The following GPC6 variants were observed in gnomAD, a reference collection of about 807,000 sequenced individuals.
The protein encoded by GPC6 is glypican-6.
GPC6 carries 14 observed loss-of-function variants against 55.2 expected under a neutral mutation model. That is an observed-to-expected ratio of 0.25 (90% confidence interval 0.17 to 0.40). GPC6 has a LOEUF of 0.40. Ranked by LOEUF, GPC6 falls within the 10% of genes least tolerant of loss-of-function variation. GPC6 has a pLI of 1.00. For missense variants in GPC6, 641 were observed against 708.5 expected (o/e 0.90, Z 1.08); for synonymous variants, 278 against 259.6 (o/e 1.07, Z -0.68).
intron 4 of GPC6, among the ~76,000 whole-genome samples, chr13:94,104,548 G>A (rs9584186): frequency 0.044 from 6,713 of 152,182 alleles, 505 homozygotes; most frequent in African/African-American, 0.15. Flanking sequence ...TGCAGATGAC[G>A]TGATTGTATA....
intron 2 of GPC6, among the ~76,000 whole-genome samples, chr13:93,755,304 C>T (rs1447492791): frequency 5.9e-5 from 9 of 152,036 alleles, no homozygotes; most frequent in African/African-American, 1.2e-4. Context: ...CAGTGATGGC[C>T]GATGGATTTT....
chr13:93,986,587 T>C (rs1881042933), intron 3 of GPC6, among the ~76,000 whole-genome samples: 1 of 152,188 alleles, frequency 6.6e-6, no homozygotes, highest in Non-Finnish European at 1.5e-5. Context: ...ATATTATACA[T>C]ATCCATTATC....
chr13:93,918,776 C>T (rs1297300353), intron 3 of GPC6, among the ~76,000 whole-genome samples: 1 of 152,178 alleles, frequency 6.6e-6, no homozygotes, highest in Non-Finnish European at 1.5e-5. Flanking sequence ...GATGTTCCCA[C>T]CACACATATC....
intron 3 of GPC6, among the ~76,000 whole-genome samples, chr13:93,863,589 A>G (rs1161700311): frequency 6.6e-6 from 1 of 151,686 alleles, no homozygotes; most frequent in African/African-American, 2.4e-5. Flanking sequence ...TTTATGGTAA[A>G]TGAAAATCTT....
intron 1 of GPC6, among the ~76,000 whole-genome samples, chr13:93,300,875 C>T (rs1313463883): frequency 1.3e-5 from 2 of 151,250 alleles, no homozygotes; most frequent in African/African-American, 2.4e-5. Context: ...CAAAATTATC[C>T]AGGTGTGGTG....
chr13:93,873,711 A>C (rs1437462260), intron 3 of GPC6, among the ~76,000 whole-genome samples: 1 of 152,100 alleles, frequency 6.6e-6, no homozygotes, highest in South Asian at 2.1e-4. Flanking sequence ...AATGAATACA[A>C]CGTATTATTA....
chr13:93,266,764 C>T (rs1451466635), intron 1 of GPC6, among the ~76,000 whole-genome samples: 2 of 152,100 alleles, frequency 1.3e-5, no homozygotes, highest in Non-Finnish European at 2.9e-5. Flanking sequence ...GATTAAATGT[C>T]AGAGTTAAGG....
intron 4 of GPC6, among the ~76,000 whole-genome samples, chr13:94,037,541 C>T (rs1239895392): frequency 6.6e-6 from 1 of 151,674 alleles, no homozygotes; most frequent in Non-Finnish European, 1.5e-5. Context: ...TACTTTATAC[C>T]AGACAATATT....
chr13:94,112,910 G>A (rs577680907), intron 4 of GPC6, among the ~76,000 whole-genome samples: 20 of 152,086 alleles, frequency 1.3e-4, no homozygotes, highest in African/African-American at 4.3e-4. Context: ...AAAAATGGAC[G>A]TTAATGCTCT....
chr13:94,241,262 A>C (rs1330330273), intron 4 of GPC6, among the ~76,000 whole-genome samples: 2 of 152,160 alleles, frequency 1.3e-5, no homozygotes, highest in African/African-American at 2.4e-5. Flanking sequence ...CACAATAAAC[A>C]AACATTTGTT....
At chr13:94,047,136 T>C (rs994272962) in intron 4 of GPC6, among the ~76,000 whole-genome samples, 4 of 152,134 alleles carry the variant, frequency 2.6e-5, no homozygotes, top group African/African-American at 9.7e-5. Flanking sequence ...CTTTAGTATG[T>C]CACTGAATAT....
At chr13:93,460,552 C>T (rs890803114) in intron 1 of GPC6, among the ~76,000 whole-genome samples, 2 of 152,092 alleles carry the variant, frequency 1.3e-5, no homozygotes, top group African/African-American at 2.4e-5. Context: ...AATATCATAA[C>T]ATAGCACTAA....
intron 2 of GPC6, among the ~76,000 whole-genome samples, chr13:93,730,046 G>C (rs1422305024): frequency 2.0e-5 from 3 of 152,232 alleles, no homozygotes; most frequent in Non-Finnish European, 4.4e-5. Context: ...TCTGCTTCTT[G>C]CCCTGGGTGC....
chr13:93,641,879 C>T (rs1879960440), intron 2 of GPC6, among the ~76,000 whole-genome samples: 1 of 152,004 alleles, frequency 6.6e-6, no homozygotes, highest in Admixed American at 6.6e-5. Flanking sequence ...TAAAGCAATA[C>T]ATGCCAAATG....
At chr13:93,360,080 TAG>T (rs1364446746) in intron 1 of GPC6, among the ~76,000 whole-genome samples, 1 of 152,140 alleles carries the variant, frequency 6.6e-6, no homozygotes, top group Admixed American at 6.6e-5. Flanking sequence ...GTCTAGTTCC[TAG>T]AGAGAGCCAG....
chr13:94,068,184 A>G (rs957128634), intron 4 of GPC6, among the ~76,000 whole-genome samples: 17 of 152,146 alleles, frequency 1.1e-4, no homozygotes, highest in African/African-American at 4.1e-4. Flanking sequence ...TCATGGTGGA[A>G]GGCAAGGAGG....
At chr13:93,272,419 CAATGAATGTGA>C (rs1877562865) in intron 1 of GPC6, among the ~76,000 whole-genome samples, 1 of 147,250 alleles carries the variant, frequency 6.8e-6, no homozygotes, top group Non-Finnish European at 1.5e-5. Flanking sequence ...ATTTATAGAC[CAATGAATGTGA>C]AAAATTTTAA....
chr13:93,936,775 C>T (rs909536098), intron 3 of GPC6, among the ~76,000 whole-genome samples: 3 of 152,100 alleles, frequency 2.0e-5, no homozygotes, highest in African/African-American at 7.2e-5. Context: ...ATGCAAACCA[C>T]GGGTGGATTT....
At chr13:94,322,879 A>G (rs980358825) in intron 6 of GPC6, among the ~76,000 whole-genome samples, 1 of 151,918 alleles carries the variant, frequency 6.6e-6, no homozygotes, top group Non-Finnish European at 1.5e-5. Context: ...AAGTCTGCCC[A>G]GGCCAAAACT....
Sources: allele counts gnomAD v4.1 joint callset (sites outside exome capture counted in the v4.1 genomes callset), GRCh38; gene constraint gnomAD v4.1.1; transcripts MANE v1.5; gene names NCBI Gene and HGNC (gene_info 2026-07-23, HGNC 2026-07-21).